The following PUM3 variants were observed in gnomAD, a reference collection of about 807,000 sequenced individuals.
PUM3 encodes pumilio RNA binding family member 3.
PUM3 carries 91 observed loss-of-function variants against 84.0 expected under a neutral mutation model. That is an observed-to-expected ratio of 1.08 (90% CI 0.91 to 1.29). The LOEUF (loss-of-function observed/expected upper bound fraction) is 1.29. Ranked by LOEUF, PUM3 falls within the 50% of genes most tolerant of loss-of-function variation. The pLI is 0.00. For missense variants in PUM3, 1,067 were observed against 767.5 expected, an observed-to-expected ratio of 1.39 and a Z score of -4.61; for synonymous variants, 321 against 266.7, an observed-to-expected ratio of 1.20 and a Z score of -1.98.
intron 1 of PUM3, among the ~76,000 whole-genome samples, chr9:2,840,247 T>G (rs1816234658): frequency 6.6e-6 from 1 of 152,230 alleles, no homozygotes; most frequent in South Asian, 2.1e-4. Context: ...CACTGTGAAG[T>G]TGCCACTTTA....
At chr9:2,805,661 C>G (rs1337683106) in intron 17 of PUM3, among the ~76,000 whole-genome samples, 1 of 152,148 alleles carries the variant, frequency 6.6e-6, no homozygotes, top group African/African-American at 2.4e-5. Flanking sequence ...TGGCTAAACA[C>G]ACAGTTATAC....
chr9:2,814,603 G>C (rs142493198), intron 13 of PUM3, among the ~76,000 whole-genome samples: 5 of 152,184 alleles, frequency 3.3e-5, no homozygotes, highest in Non-Finnish European at 4.4e-5. Flanking sequence ...CCTATATTAA[G>C]CTTTAACCAA....
intron 9 of PUM3, among the ~76,000 whole-genome samples, chr9:2,828,105 C>G (rs758158048): frequency 3.3e-5 from 5 of 152,138 alleles, no homozygotes; most frequent in Non-Finnish European, 7.4e-5. Context: ...AGTGGCACAA[C>G]CATGGCTCAC....
intron 1 of PUM3, among the ~76,000 whole-genome samples, chr9:2,843,721 G>A (rs1325153522): frequency 2.0e-5 from 3 of 151,898 alleles, no homozygotes; most frequent in Non-Finnish European, 4.4e-5. Context: ...TGGGACCACA[G>A]GCGCCCGCCA....
At chr9:2,838,652 A>C (rs1249908502) in intron 1 of PUM3, 135 bp from the exon 2 acceptor site, 3 of 587,334 alleles carry the variant, frequency 5.1e-6, no homozygotes, top group Non-Finnish European at 9.1e-6. Context: ...TAGAATGGAC[A>C]AGTACTTAAA....
chr9:2,839,925 T>A (rs1682300485), intron 1 of PUM3, among the ~76,000 whole-genome samples: 1 of 152,254 alleles, frequency 6.6e-6, no homozygotes, highest in Non-Finnish European at 1.5e-5. Flanking sequence ...CCCCTAATGT[T>A]AACATACAGT....
intron 3 of PUM3, 76 bp from the exon 4 acceptor site, chr9:2,834,242 G>T: frequency 7.8e-7 from 1 of 1,281,760 alleles, no homozygotes; most frequent in South Asian, 1.4e-5. Context: ...TAGGTAAAAA[G>T]GGCAATCACT....
chr9:2,835,482 A>G (rs567395376), intron 3 of PUM3, among the ~76,000 whole-genome samples: 3 of 152,222 alleles, frequency 2.0e-5, no homozygotes, highest in Non-Finnish European at 4.4e-5. Context: ...TCATGAAATT[A>G]ACATTCCTCA....
chr9:2,829,630 T>C (rs1815917525), intron 8 of PUM3, 144 bp downstream of exon 8: 2 of 668,046 alleles, frequency 3.0e-6, no homozygotes, highest in East Asian at 2.6e-5. Flanking sequence ...AAATAAAGCA[T>C]GAGGGAAAAT....
At chr9:2,837,156 A>T in intron 3 of PUM3, 24 bp downstream of exon 3, 1 of 1,582,168 alleles carries the variant, frequency 6.3e-7, no homozygotes, top group Non-Finnish European at 8.7e-7. Flanking sequence ...GCACTAGTTC[A>T]GGCATGAACG....
intron 1 of PUM3, among the ~76,000 whole-genome samples, chr9:2,841,923 G>GCATC (rs1296101353): frequency 2.0e-5 from 3 of 152,146 alleles, no homozygotes; most frequent in African/African-American, 7.2e-5. Flanking sequence ...TAAGACTCAT[G>GCATC]CATCCACTAC....
Position 2,844,035 on chromosome 9 carries a change from C to G in PUM3, c.-11+10G>C, listed in dbSNP as rs971818901. The G allele has an allele frequency of 1.9e-5, 3 of 155,842 alleles. No homozygotes were observed. Among genetic ancestry groups the G allele is most frequent in the African/African-American group, 7.2e-5 (3 of 41,464 alleles). 9.7% of individuals were successfully genotyped at this position (155,842 alleles called of 1,614,324 possible). On this transcript the variant is annotated intron_variant, in intron 1 of 17. Coordinates refer to ENST00000397885, the MANE Select transcript of PUM3 (RefSeq NM_014878.5). The stretch of plus-strand genomic sequence containing the variant: ...CTCCCAAGAGCGACCGCTGAGCCTG[C>G]CACACTCACCGCACACGTGGGACCG...
At chr9:2,841,555 G>C (rs1816268120) in intron 1 of PUM3, among the ~76,000 whole-genome samples, 1 of 152,114 alleles carries the variant, frequency 6.6e-6, no homozygotes, top group African/African-American at 2.4e-5. Flanking sequence ...GCAACAGAGT[G>C]AGACTCTATT....
intron 3 of PUM3, among the ~76,000 whole-genome samples, chr9:2,836,949 A>C (rs890637019): frequency 1.4e-4 from 22 of 152,242 alleles, no homozygotes; most frequent in Non-Finnish European, 2.6e-4. Context: ...ATTATAATTT[A>C]ACTTAACTCC....
chr9:2,820,152 C>CT (rs1207158928), intron 12 of PUM3, 54 bp from the exon 13 acceptor site: 1 of 960,408 alleles, frequency 1.0e-6, no homozygotes, highest in Non-Finnish European at 1.6e-6. Context: ...GATCTTCCCT[C>CT]TTATTTCACA....
chr9:2,811,526 CA>C lies in PUM3; in HGVS notation c.1469del (p.Leu490CysfsTer2). On this transcript the variant is annotated frameshift_variant, in exon 15 of 18. Transcript: ENST00000397885. LOFTEE classifies it high-confidence loss of function. The stretch of plus-strand genomic sequence containing the variant: ...GGGCGTGTTCTTGCAGGTAGCTTAA[CA>C]AAGCTGGAGAAATGGATTCTAGGAG... ...RELLESISPA[L>X]LSYLQEHAQE... The C allele has an allele frequency of 6.2e-7, 1 of 1,614,152 alleles. No individual in the cohort carries two copies. The highest frequency in any genetic ancestry group is 8.5e-7 in the Non-Finnish European group (1 of 1,180,018).
intron 7 of PUM3, among the ~76,000 whole-genome samples, chr9:2,830,363 C>T (rs998481011): frequency 6.6e-6 from 1 of 152,154 alleles, no homozygotes; most frequent in African/African-American, 2.4e-5. Context: ...TATTCTAGCA[C>T]ATTAATACAC....
intron 3 of PUM3, among the ~76,000 whole-genome samples, chr9:2,836,690 T>C (rs1816130143): frequency 6.6e-6 from 1 of 152,158 alleles, no homozygotes; most frequent in African/African-American, 2.4e-5. Context: ...TCTATGTTTC[T>C]TGCTCACCAA....
At chr9:2,820,485 G>T (rs1267855752) in intron 12 of PUM3, among the ~76,000 whole-genome samples, 1 of 151,726 alleles carries the variant, frequency 6.6e-6, no homozygotes, top group Admixed American at 6.6e-5. Flanking sequence ...ACACATATAT[G>T]ATACTCCAAT....
Sources: gnomAD v4.1 joint callset for allele counts (sites outside exome capture counted in the v4.1 genomes callset) on GRCh38, gnomAD v4.1.1 for gene constraint, MANE v1.5 for transcripts, NCBI Gene and HGNC (gene_info 2026-07-23, HGNC 2026-07-21) for gene names.